The following LAD1 variants were observed in gnomAD, a reference collection of about 807,000 sequenced individuals.
The protein encoded by LAD1 is ladinin 1, also known as ladinin-1.
Under a neutral mutation model 54.2 loss-of-function variants are expected in LAD1, and 53 were observed. The ratio of observed to expected loss-of-function variants is 0.98; its 90% CI spans 0.78 to 1.23. The LOEUF is 1.23. Among genes scored for constraint, LAD1 ranks in the 50% most tolerant of loss-of-function variants. The pLI, the probability that LAD1 is intolerant of heterozygous loss-of-function variation, is 0.00. For synonymous variants in LAD1, 231 were observed against 257.7 expected, an observed-to-expected ratio of 0.90 and a Z score of 0.99; for missense variants, 637 against 653.3, an observed-to-expected ratio of 0.98 and a Z score of 0.27.
At chr1:201,382,514 C>G (rs1661983331) in intron 8 of LAD1, 139 bp downstream of exon 8, 1 of 790,996 alleles carries the variant, frequency 1.3e-6, no homozygotes, top group Non-Finnish European at 2.1e-6. Flanking sequence ...TGCCTCCACT[C>G]CTGAAATGAC....
At chr1:201,394,685 C>T (rs1400269899) in intron 1 of LAD1, among the ~76,000 whole-genome samples, 1 of 152,228 alleles carries the variant, frequency 6.6e-6, no homozygotes, top group Non-Finnish European at 1.5e-5. Context: ...TTTAGAAACG[C>T]CAACTTCTGC....
chr1:201,384,539 T>G (rs1662034168), intron 5 of LAD1, among the ~76,000 whole-genome samples: 1 of 152,076 alleles, frequency 6.6e-6, no homozygotes, highest in Non-Finnish European at 1.5e-5. Context: ...CATCCCCCTT[T>G]GGGGCCCCAC....
chr1:201,398,496 T>A (rs1662340331), intron 1 of LAD1, among the ~76,000 whole-genome samples: 2 of 152,104 alleles, frequency 1.3e-5, no homozygotes, highest in Non-Finnish European at 2.9e-5. Flanking sequence ...CAGGGGGCCT[T>A]CTTGGCAGAG....
intron 2 of LAD1, among the ~76,000 whole-genome samples, chr1:201,387,649 G>T (rs1416216801): frequency 6.6e-6 from 1 of 152,146 alleles, no homozygotes; most frequent in African/African-American, 2.4e-5. Context: ...AGTCTTGTGG[G>T]TGCAGCCAAG....
At chr1:201,382,834 C>G in intron 7 of LAD1, 95 bp from the exon 8 acceptor site, 3 of 1,022,396 alleles carry the variant, frequency 2.9e-6, no homozygotes, top group Non-Finnish European at 4.4e-6. Flanking sequence ...CTCCCTCACT[C>G]CCCTATGCAT....
In LAD1 at chr1:201,386,458, G is replaced by A; in HGVS notation, c.903C>T (p.Ser301=). Residue 301 remains serine (S), a synonymous_variant, in exon 3 of 10, where the codon AGC becomes AGT. Transcript: ENST00000391967. The part of the protein sequence containing the change: ...LAQEPPASGG[S]PATTKEQRGR... ...CTCTCTGCTCCTTGGTGGTGGCTGG[G>A]CTTCCCCCAGAGGCTGGCGGCTCCT... is the stretch of plus-strand genomic sequence containing the variant. 1.9e-6 allele frequency: 3 copies of A among 1,546,792 alleles called. No homozygotes were observed. The highest frequency in any genetic ancestry group is 2.6e-6 in the Non-Finnish European group (3 of 1,153,112).
In LAD1 at chr1:201,389,245, G is replaced by A. The variant is rs534017085; in HGVS notation, c.97C>T (p.Arg33Trp). 9.5e-5 allele frequency: 154 copies of A among 1,614,084 alleles called. No homozygotes were observed. The South Asian group carries it at 1.1e-3, about 12-fold the overall frequency. The change falls in exon 2 of 10, where the codon CGG (arginine) becomes TGG (tryptophan). Residue 33 changes from arginine to tryptophan, a missense_variant. Transcript: ENST00000391967. ...GTGGTGGAGCTCAGGTTGCGGTGCC[G>A]CCGCCTGCGCTCGCGCTCCTGTTCC... ...EEEQERERRR[R>W]HRNLSSTTDD... is the part of the protein sequence containing the mutation.
rs760143230 is a variant in LAD1, at chr1:201,389,208, G to A, written c.134C>T (p.Ala45Val). The A allele has an allele frequency of 1.1e-5, 17 of 1,614,232 alleles. No individual in the cohort carries two copies. The highest frequency in any genetic ancestry group is 2.2e-5 in the South Asian group (2 of 91,090). Residue 45 changes from alanine to valine, a missense_variant, in exon 2 of 10, where the codon GCT (alanine) becomes GTT (valine). By Grantham distance (64) the Ala-to-Val change is moderately conservative. Coordinates refer to ENST00000391967, the MANE Select transcript of LAD1 (RefSeq NM_005558.4). ...GTCTCCATTCTGGCTGAGCCTGGGAGCCTCATCGTCCGTGGTGGAGCTCAG... is the reference window on the plus strand; with the variant it reads ...GTCTCCATTCTGGCTGAGCCTGGGAACCTCATCGTCCGTGGTGGAGCTCAG... ...RNLSSTTDDE[A>V]PRLSQNGDRQ... is the part of the protein sequence containing the mutation.
At chr1:201,385,916 C>A (rs572099433) in intron 3 of LAD1, 111 bp from the exon 4 acceptor site, 3 of 779,972 alleles carry the variant, frequency 3.8e-6, no homozygotes, top group Non-Finnish European at 6.8e-6. Context: ...GAGAATGAGA[C>A]AGCCCTGTGC....
chr1:201,387,192 T>C lies in LAD1; in HGVS notation c.183-14A>G. 2.0e-6 allele frequency: 3 copies of C among 1,494,774 alleles called. No homozygotes were observed. The highest frequency in any genetic ancestry group is 1.4e-5 in the African/African-American group (1 of 71,340). 92.6% of individuals were successfully genotyped at this position (1,494,774 alleles called of 1,614,324 possible). A position where few individuals can be genotyped will look rare whatever the true frequency, so the allele number is the denominator to read the frequency against. ...ACGCTCGGTAGTCTGAATCAGAAGA[T>C]GGGAGACAGAATCAGAGGATAGAGG... is the stretch of plus-strand genomic sequence containing the variant. On this transcript the variant is annotated splice_polypyrimidine_tract_variant and intron_variant, in intron 2 of 9. Transcript: ENST00000391967.
intron 8 of LAD1, 60 bp downstream of exon 8, chr1:201,382,593 T>A (rs1343257512): frequency 8.8e-6 from 12 of 1,367,778 alleles, no homozygotes; most frequent in African/African-American, 1.4e-5. Context: ...CCCTCCTCTG[T>A]CCCCAGTCAT....
intron 2 of LAD1, 68 bp from the exon 3 acceptor site, chr1:201,387,246 A>G: frequency 7.2e-7 from 1 of 1,397,740 alleles, no homozygotes; most frequent in Non-Finnish European, 9.3e-7. Flanking sequence ...TACCTAACCC[A>G]ATGGAGATGC....
chr1:201,392,598 G>A (rs1213761900), intron 1 of LAD1, among the ~76,000 whole-genome samples: 1 of 152,210 alleles, frequency 6.6e-6, no homozygotes, highest in Non-Finnish European at 1.5e-5. Context: ...GTATTCAGGG[G>A]AAGACGGGAA....
At chr1:201,386,303 T>G in intron 3 of LAD1, 32 bp downstream of exon 3, 1 of 1,402,638 alleles carries the variant, frequency 7.1e-7, no homozygotes, top group East Asian at 2.6e-5. Flanking sequence ...GGTGGCAGAG[T>G]AGAAGGGTGG....
chr1:201,388,696 A>AAAG lies in LAD1; in HGVS notation c.182+461_182+463dup, dbSNP rs1223342517. 1.0e-2 allele frequency among the ~76,000 whole-genome samples: 1,514 copies of AAAG among 151,906 alleles called. 21 individuals carry two copies. Among genetic ancestry groups the AAAG allele is most frequent in the African/African-American group, 0.036 (1,470 of 41,308 alleles). ...GACTTCGTCTCAAAAAAAAAAAAAA[A>AAAG]AAGAAGTAAATTATAGAGGGTCAGG... On this transcript the variant is annotated intron_variant, in intron 2 of 9. Transcript: ENST00000391967.
Position 201,381,719 on chromosome 1 carries a change from G to T in LAD1, c.*169C>A. 1.3e-6 allele frequency: 1 copy of T among 750,030 alleles called. No individual in the cohort carries two copies. The allele number at this position is 750,030 out of a possible 1,614,324, so 46.5% of individuals were successfully genotyped here. A position where few individuals can be genotyped will look rare whatever the true frequency, so the allele number is the denominator to read the frequency against. ...AAGAGGCTGGGCTGGGAAGGAGCTG[G>T]CTGAGTCTTGCAAATATTCCTGACC... On this transcript the variant is annotated 3_prime_UTR_variant, in exon 10 of 10. Transcript: ENST00000391967.
Position 201,383,076 on chromosome 1 carries a change from T to C in LAD1, c.1384A>G (p.Lys462Glu). 6.2e-7 allele frequency: 1 copy of C among 1,611,692 alleles called. No homozygotes were observed. The highest frequency in any genetic ancestry group is 8.5e-7 in the Non-Finnish European group (1 of 1,178,254). Residue 462 changes from lysine to glutamate, a missense_variant and splice_region_variant, in exon 7 of 10, where the codon AAG becomes GAG. Transcript: ENST00000391967. ...QSRAEPASSR[K>E]ENLRLSGVVT... is the part of the protein sequence containing the mutation. ...CCTGTGGGGCCTGAGCCCCTCACCT[T>C]CCGGCTGGAGGCTGGTTCTGCTCGG... is the stretch of plus-strand genomic sequence containing the variant.
At chr1:201,398,396 C>T (rs1662337608) in intron 1 of LAD1, among the ~76,000 whole-genome samples, 1 of 152,186 alleles carries the variant, frequency 6.6e-6, no homozygotes, top group African/African-American at 2.4e-5. Flanking sequence ...GAGCAGGCTC[C>T]AGCTCTGGGC....
At position 201,380,854 on chromosome 1, in the gene LAD1, T is replaced by G. The variant is rs1661938330; in HGVS notation, c.*1034A>C. The G allele has an allele frequency of 6.6e-6, 1 of 152,132 alleles. No homozygotes were observed. The highest frequency in any genetic ancestry group is 6.5e-5 in the Admixed American group (1 of 15,282). 9.4% of individuals were successfully genotyped at this position (152,132 alleles called of 1,614,324 possible). ...GATGGAGAGTTCTAATGATTTAAAT[T>G]TTTGAAAAGTTGTAAACCACAGCTT... On this transcript the variant is annotated 3_prime_UTR_variant, in exon 10 of 10. Coordinates refer to ENST00000391967, the MANE Select transcript of LAD1 (RefSeq NM_005558.4).
Sources: allele counts gnomAD v4.1 joint callset (sites outside exome capture counted in the v4.1 genomes callset), GRCh38; gene constraint gnomAD v4.1.1; transcripts MANE v1.5; gene names NCBI Gene and HGNC (gene_info 2026-07-23, HGNC 2026-07-21).